The following NCAM2 variants were observed in gnomAD, a reference collection of about 807,000 sequenced individuals.
The protein encoded by NCAM2 is N-CAM-2.
NCAM2 carries 30 observed loss-of-function variants against 98.1 expected under a neutral mutation model. The observed-to-expected ratio is 0.31, with a 90% CI of 0.23 to 0.41. The LOEUF is 0.41. NCAM2 is among the 10% of genes least tolerant of loss of function. The pLI, the probability that NCAM2 is intolerant of heterozygous loss-of-function variation, is 1.00. For synonymous variants in NCAM2, 368 were observed against 342.4 expected, an observed-to-expected ratio of 1.07 and a Z score of -0.83; for missense variants, 867 against 1,005.8, an observed-to-expected ratio of 0.86 and a Z score of 1.87.
intron 1 of NCAM2, among the ~76,000 whole-genome samples, chr21:21,087,741 C>T (rs1014656538): frequency 8.5e-5 from 13 of 152,164 alleles, no homozygotes; most frequent in South Asian, 6.2e-4. Context: ...ACTAAGGATG[C>T]GTCTCATTTA....
At chr21:21,292,556 C>G (rs571818991) in intron 5 of NCAM2, among the ~76,000 whole-genome samples, 1 of 151,830 alleles carries the variant, frequency 6.6e-6, no homozygotes. Flanking sequence ...CTAAATGTTA[C>G]TTTTAAATTA....
chr21:21,530,088 A>C (rs1449202934), intron 16 of NCAM2, among the ~76,000 whole-genome samples: 1 of 138,428 alleles, frequency 7.2e-6, no homozygotes, highest in African/African-American at 2.6e-5. Context: ...ATATAATTTA[A>C]TTTAATTTAA....
chr21:21,149,680 C>A (rs778675244), intron 1 of NCAM2, among the ~76,000 whole-genome samples: 4 of 151,926 alleles, frequency 2.6e-5, no homozygotes, highest in Admixed American at 6.6e-5. Context: ...GGTTTTGTTC[C>A]TGTGTTAGTT....
At chr21:21,072,514 A>G (rs2065593492) in intron 1 of NCAM2, among the ~76,000 whole-genome samples, 1 of 152,182 alleles carries the variant, frequency 6.6e-6, no homozygotes, top group African/African-American at 2.4e-5. Context: ...GCATTGTATG[A>G]CAATGTAAAA....
At chr21:21,410,553 A>G (rs2076836059) in intron 10 of NCAM2, 92 bp downstream of exon 10, 20 of 630,340 alleles carry the variant, frequency 3.2e-5, no homozygotes, top group Non-Finnish European at 4.3e-5. Flanking sequence ...ATGCATATAT[A>G]TATATAATAA....
chr21:21,006,094 A>C (rs2064108185), intron 1 of NCAM2, among the ~76,000 whole-genome samples: 1 of 152,208 alleles, frequency 6.6e-6, no homozygotes, highest in Admixed American at 6.5e-5. Context: ...ATCAAAGAGC[A>C]TTAAATACAT....
chr21:21,510,578 TC>T (rs1434808861), intron 16 of NCAM2, among the ~76,000 whole-genome samples: 1 of 117,344 alleles, frequency 8.5e-6, no homozygotes, highest in East Asian at 2.6e-4. Context: ...GCGTGGAAGG[TC>T]TCATACTGTT....
intron 1 of NCAM2, among the ~76,000 whole-genome samples, chr21:21,254,994 A>T (rs1481479430): frequency 6.6e-6 from 1 of 151,340 alleles, no homozygotes; most frequent in Non-Finnish European, 1.5e-5. Context: ...ATGTTTATAT[A>T]ATACTGAACG....
intron 1 of NCAM2, among the ~76,000 whole-genome samples, chr21:21,248,776 C>CAAAAAAAAAAAAA (rs1171857115): frequency 2.0e-5 from 1 of 50,654 alleles, no homozygotes; most frequent in Admixed American, 3.9e-4. Flanking sequence ...GACTCTGTCT[C>CAAAAAAAAAAAAA]AAAAAAAAAA....
intron 1 of NCAM2, among the ~76,000 whole-genome samples, chr21:21,149,926 T>G (rs901102066): frequency 6.6e-6 from 1 of 152,132 alleles, no homozygotes; most frequent in Non-Finnish European, 1.5e-5. Context: ...TTTGGGTATA[T>G]AGCCCGTAAT....
intron 1 of NCAM2, among the ~76,000 whole-genome samples, chr21:21,069,375 T>A (rs2065509391): frequency 6.6e-6 from 1 of 152,224 alleles, no homozygotes; most frequent in Non-Finnish European, 1.5e-5. Flanking sequence ...AGGTTAAAAA[T>A]GCGTTAGCTA....
intron 1 of NCAM2, among the ~76,000 whole-genome samples, chr21:21,229,897 T>A (rs1318955842): frequency 6.6e-6 from 1 of 151,482 alleles, no homozygotes; most frequent in Non-Finnish European, 1.5e-5. Flanking sequence ...AATTGGTCAG[T>A]GTTTTGGAGA....
At chr21:21,358,528 G>A (rs1225847171) in intron 8 of NCAM2, among the ~76,000 whole-genome samples, 1 of 151,876 alleles carries the variant, frequency 6.6e-6, no homozygotes, top group Non-Finnish European at 1.5e-5. Context: ...TGAAACATTT[G>A]TTACTTAGAA....
chr21:21,315,656 T>C (rs2074198782), intron 5 of NCAM2, among the ~76,000 whole-genome samples: 1 of 152,198 alleles, frequency 6.6e-6, no homozygotes, highest in Non-Finnish European at 1.5e-5. Flanking sequence ...GGCTTCTCTT[T>C]CTTGGACATT....
intron 1 of NCAM2, among the ~76,000 whole-genome samples, chr21:21,254,954 T>C (rs2071613158): frequency 3.6e-5 from 1 of 27,714 alleles, no homozygotes; most frequent in Non-Finnish European, 7.0e-5. Flanking sequence ...TATCTATGTG[T>C]GTGTGTGTGT....
At chr21:21,112,397 G>A (rs1465771494) in intron 1 of NCAM2, among the ~76,000 whole-genome samples, 1 of 152,072 alleles carries the variant, frequency 6.6e-6, no homozygotes, top group Non-Finnish European at 1.5e-5. Flanking sequence ...TAAAGACCTG[G>A]CCTATCCTTC....
rs1221617136 is a variant in NCAM2, at chr21:21,114,353, T to C, written c.55+115735T>C. On this transcript the variant is annotated intron_variant, in intron 1 of 17. Coordinates refer to ENST00000400546, the MANE Select transcript of NCAM2 (RefSeq NM_004540.5). ...CTTTAAACAGAAATGTGGGCTATTA[T>C]AAGCAATGTTTCATTTTCCTATTGT... is the stretch of plus-strand genomic sequence containing the variant. Among the ~76,000 whole-genome samples the C allele has an allele frequency of 4.6e-5, 7 of 152,240 alleles. No homozygotes were observed. In the East Asian group the frequency reaches 1.3e-3, roughly 29 times the overall value.
intron 11 of NCAM2, among the ~76,000 whole-genome samples, chr21:21,431,123 T>TTGTGTGTGTGTGTGTGGGTGTGTGTG (rs2077332794): frequency 7.1e-6 from 1 of 141,172 alleles, no homozygotes; most frequent in African/African-American, 2.6e-5. Flanking sequence ...TAATATATGT[T>TTGTGTGTGTGTGTGTGGGTGTGTGTG]TGTGTGTGTG....
chr21:21,336,169 A>T (rs996603916), intron 7 of NCAM2, among the ~76,000 whole-genome samples: 4 of 152,298 alleles, frequency 2.6e-5, no homozygotes, highest in African/African-American at 9.6e-5. Flanking sequence ...TAAAACTAGT[A>T]CTTTACAGAA....
Sources: allele counts gnomAD v4.1 joint callset (sites outside exome capture counted in the v4.1 genomes callset), GRCh38; gene constraint gnomAD v4.1.1; transcripts MANE v1.5; gene names NCBI Gene and HGNC (gene_info 2026-07-23, HGNC 2026-07-21).